Variants in ACOT7 observed in about 807,000 individuals in gnomAD.
ACOT7 encodes cytosolic acyl coenzyme A thioester hydrolase.
A neutral mutation model predicts 40.2 loss-of-function variants in ACOT7; 12 were observed. That is an observed-to-expected ratio of 0.30 (90% CI 0.19 to 0.48). ACOT7 has a LOEUF of 0.48. Ranked by LOEUF, ACOT7 falls within the 20% of genes least tolerant of loss-of-function variation. ACOT7 has a pLI of 0.99. For synonymous variants in ACOT7, 228 were observed against 219.5 expected (o/e 1.04, Z -0.34); for missense variants, 395 against 530.8 (o/e 0.74, Z 2.51).
chr1:6,379,150 T>G (rs530206941), intron 1 of ACOT7, among the ~76,000 whole-genome samples: 194 of 152,052 alleles, frequency 1.3e-3, no homozygotes, highest in African/African-American at 4.5e-3. Flanking sequence ...CACCTCGGTC[T>G]CCCAAAGAGC....
chr1:6,326,659 T>A (rs910052125), intron 5 of ACOT7, among the ~76,000 whole-genome samples: 1 of 151,924 alleles, frequency 6.6e-6, no homozygotes, highest in Non-Finnish European at 1.5e-5. Flanking sequence ...GGTGTGGTGG[T>A]TCACACATGT....
chr1:6,362,123 T>A (rs1641906398), intron 1 of ACOT7, among the ~76,000 whole-genome samples: 1 of 152,126 alleles, frequency 6.6e-6, no homozygotes, highest in Non-Finnish European at 1.5e-5. Context: ...TTCAAAGGCA[T>A]CTGGAAGCTA....
intron 1 of ACOT7, among the ~76,000 whole-genome samples, chr1:6,370,577 C>T (rs1642112006): frequency 6.6e-6 from 1 of 151,108 alleles, no homozygotes; most frequent in South Asian, 2.1e-4. Flanking sequence ...GCAGCCTCCG[C>T]CTCCCTGGTT....
chr1:6,375,659 G>A (rs1327896934), intron 1 of ACOT7, among the ~76,000 whole-genome samples: 4 of 151,674 alleles, frequency 2.6e-5, no homozygotes, highest in Non-Finnish European at 2.9e-5. Flanking sequence ...TTTTTAGGCC[G>A]GGCGCAGTGG....
At chr1:6,380,092 A>G (rs1642306895) in intron 1 of ACOT7, among the ~76,000 whole-genome samples, 2 of 151,652 alleles carry the variant, frequency 1.3e-5, no homozygotes, top group African/African-American at 4.8e-5. Context: ...GTGGAAAAAA[A>G]TATTTGCAAA....
intron 6 of ACOT7, among the ~76,000 whole-genome samples, chr1:6,295,797 T>C (rs1017781524): frequency 6.6e-6 from 1 of 151,894 alleles, no homozygotes; most frequent in Non-Finnish European, 1.5e-5. Context: ...TGACCACTAA[T>C]GGGTACAGGG....
At position 6,330,648 on chromosome 1, in the gene ACOT7, G is replaced by A. The variant is rs914992778; in HGVS notation, c.510+2829C>T. 3.9e-5 allele frequency among the ~76,000 whole-genome samples: 6 copies of A among 152,216 alleles called. No individual in the cohort carries two copies. The highest frequency in any genetic ancestry group is 3.9e-4 in the Admixed American group (6 of 15,284). On this transcript the variant is annotated intron_variant, in intron 4 of 8. Transcript: ENST00000361521. This position sits in a 1 kb window ranked among gnomAD's most constrained non-coding sequence, Gnocchi z 4.6. ...AGGGAGGGAGCTAATTACTGGGCAA[G>A]GAGAGGCGAGGCTAACAGGGGCCAC... is the stretch of plus-strand genomic sequence containing the variant.
chr1:6,328,727 A>G (rs969251207), intron 4 of ACOT7, among the ~76,000 whole-genome samples: 1 of 152,200 alleles, frequency 6.6e-6, no homozygotes, highest in Non-Finnish European at 1.5e-5. Flanking sequence ...TCAGCACAAA[A>G]GCCAAAGCTC....
rs576962237 is a variant in ACOT7 at position 6,329,670 on chromosome 1, A to C, written c.511-2257T>G. Among the ~76,000 whole-genome samples the C allele has an allele frequency of 3.1e-4, 47 of 152,202 alleles. No individual in the cohort carries two copies. The South Asian group carries it at 9.6e-3, about 31-fold the overall frequency. Reference sequence around the variant, plus strand: ...TCCATCTGGGAACAAAACCGCTGGAACATTTTAATGATGGCTGGCACCTAA... The same window carrying C: ...TCCATCTGGGAACAAAACCGCTGGACCATTTTAATGATGGCTGGCACCTAA... On this transcript the variant is annotated intron_variant, in intron 4 of 8. Coordinates refer to ENST00000361521, the MANE Select transcript of ACOT7 (RefSeq NM_007274.4).
At chr1:6,328,857 G>T (rs1640878392) in intron 4 of ACOT7, among the ~76,000 whole-genome samples, 1 of 152,200 alleles carries the variant, frequency 6.6e-6, no homozygotes, top group South Asian at 2.1e-4. Context: ...CCCTCGGAGG[G>T]GCCCTCGGGG....
rs574355142 is a variant in ACOT7, at chr1:6,340,049, G to A, written c.262-460C>T. Among the ~76,000 whole-genome samples the A allele has an allele frequency of 8.5e-4, 124 of 145,662 alleles. 5 individuals are homozygous for A. The highest frequency in any genetic ancestry group is 3.3e-3 in the African/African-American group (118 of 36,288). On this transcript the variant is annotated intron_variant, in intron 2 of 8. Coordinates refer to ENST00000361521, the MANE Select transcript of ACOT7 (RefSeq NM_007274.4). ...GGTGCGATCTCCCCTCACTGCAAGC[G>A]CCGCCTCCCAGATTCACGCCATTCT...
chr1:6,272,744 A>T (rs1211627041), intron 8 of ACOT7, among the ~76,000 whole-genome samples: 1 of 150,674 alleles, frequency 6.6e-6, no homozygotes, highest in Admixed American at 6.6e-5. Flanking sequence ...CTGCTGAAAA[A>T]CTCCAAGTCC....
chr1:6,373,815 A>T lies in ACOT7; in HGVS notation c.143+19442T>A, dbSNP rs369328638. On this transcript the variant is annotated intron_variant, in intron 1 of 8. Transcript: ENST00000361521. ...AGGAGGGAGAGGTTGCAGTGAGCCGAGATCGTGCCATTGCACTCCAGCCTG... is the reference window on the plus strand; with the variant it reads ...AGGAGGGAGAGGTTGCAGTGAGCCGTGATCGTGCCATTGCACTCCAGCCTG... 4.9e-4 allele frequency among the ~76,000 whole-genome samples: 74 copies of T among 151,834 alleles called. 1 individual carries two copies. In the East Asian group the frequency reaches 0.014, roughly 29 times the overall value.
intron 6 of ACOT7, 42 bp from the exon 7 acceptor site, chr1:6,295,022 G>C (rs1445497502): frequency 6.7e-7 from 1 of 1,485,616 alleles, no homozygotes; most frequent in African/African-American, 1.4e-5. Flanking sequence ...CACGGAGGCA[G>C]AGGAGATTAT....
intron 1 of ACOT7, among the ~76,000 whole-genome samples, chr1:6,357,492 C>T (rs1386773273): frequency 6.6e-6 from 1 of 152,350 alleles, no homozygotes; most frequent in East Asian, 1.9e-4. Context: ...TGTGCTCCAC[C>T]CTCACCTCAG....
intron 4 of ACOT7, among the ~76,000 whole-genome samples, chr1:6,329,731 C>G (rs1640904048): frequency 6.6e-6 from 1 of 152,078 alleles, no homozygotes; most frequent in Admixed American, 6.5e-5. Flanking sequence ...CCCAACTGAT[C>G]TGAAGCAGCA....
chr1:6,313,350 G>A (rs967349526), intron 6 of ACOT7, among the ~76,000 whole-genome samples: 1 of 152,152 alleles, frequency 6.6e-6, no homozygotes, highest in African/African-American at 2.4e-5. Context: ...GAAAGTGGAG[G>A]GAAAATCTAC....
chr1:6,331,931 T>A (rs1640963764), intron 4 of ACOT7, among the ~76,000 whole-genome samples: 1 of 152,022 alleles, frequency 6.6e-6, no homozygotes, highest in South Asian at 2.1e-4. Context: ...ACCTCCCCAG[T>A]CTCACATGGG....
chr1:6,340,566 T>C (rs1641248829), intron 2 of ACOT7, among the ~76,000 whole-genome samples: 1 of 152,232 alleles, frequency 6.6e-6, no homozygotes, highest in Non-Finnish European at 1.5e-5. Context: ...CAGGCTTTTT[T>C]CCCAAGAATC....
Sources: allele counts gnomAD v4.1 joint callset (sites outside exome capture counted in the v4.1 genomes callset), GRCh38; gene constraint gnomAD v4.1.1; non-coding constraint Gnocchi (gnomAD v3.1); transcripts MANE v1.5; gene names NCBI Gene and HGNC (gene_info 2026-07-23, HGNC 2026-07-21).